Variants in MYO1H observed in about 807,000 individuals in gnomAD.
The protein encoded by MYO1H is unconventional myosin-Ih.
A neutral mutation model predicts 149.3 loss-of-function variants in MYO1H; 118 were observed. The ratio of observed to expected loss-of-function variants is 0.79; its 90% CI spans 0.68 to 0.92. The LOEUF (loss-of-function observed/expected upper bound fraction) is 0.92, where lower values mean the gene tolerates loss of function less well. Ranked by LOEUF, MYO1H falls within the 40% of genes least tolerant of loss-of-function variation. The probability of loss-of-function intolerance (pLI) is 0.00; values close to 1 mark genes in which losing one functional copy is unlikely to be tolerated. For synonymous variants in MYO1H, 447 were observed against 465.2 expected (o/e 0.96, Z 0.50); for missense variants, 1,212 against 1,280.7 (o/e 0.95, Z 0.82).
chr12:109,376,101 A>G (rs968646732), intron 1 of MYO1H, among the ~76,000 whole-genome samples: 2 of 151,914 alleles, frequency 1.3e-5, no homozygotes, highest in Non-Finnish European at 2.9e-5. Context: ...TTTGGTAACC[A>G]TCTTACTGAA....
intron 24 of MYO1H, among the ~76,000 whole-genome samples, chr12:109,440,326 G>A (rs192614790): frequency 2.0e-5 from 3 of 152,254 alleles, no homozygotes; most frequent in Middle Eastern, 3.4e-3. Context: ...GCGAGTCACC[G>A]TGCCCAGCCG....
rs776004174 is a variant in MYO1H, at chr12:109,443,583, C to G, written c.2758C>G (p.Gln920Glu). 3 of 1,613,640 alleles carry G rather than the reference C, an allele frequency of 1.9e-6. No homozygotes were observed. The African/African-American group carries it at 4.0e-5, about 22-fold the overall frequency. Residue 920 changes from glutamine to glutamate, a missense_variant, in exon 28 of 32, where the codon CAG becomes GAG. Physicochemically the swap from Gln to Glu is conservative, Grantham distance 29 (BLOSUM62 2). Coordinates refer to ENST00000310903, the Ensembl canonical transcript of MYO1H. ...ACGGCAGCGGCAACTCATTCTTACT[C>G]AGAAAGCAGCTTACGTGGTGGAACT...
intron 9 of MYO1H, among the ~76,000 whole-genome samples, 194 bp from the exon 10 acceptor site, chr12:109,407,600 C>CAA (rs776897477): frequency 9.8e-4 from 67 of 68,248 alleles, no homozygotes; most frequent in East Asian, 3.1e-3. Flanking sequence ...CACATTTCTA[C>CAA]AAAAAAAAAA....
At chr12:109,396,700 C>A in intron 4 of MYO1H, 118 bp downstream of exon 4, 2 of 796,922 alleles carry the variant, frequency 2.5e-6, no homozygotes, top group Non-Finnish European at 3.8e-6. Context: ...AGAGGTCACA[C>A]AGATAGTGTC....
intron 1 of MYO1H, among the ~76,000 whole-genome samples, chr12:109,378,050 ATC>A (rs546699489): frequency 5.3e-5 from 8 of 152,324 alleles, no homozygotes; most frequent in East Asian, 1.9e-4. Flanking sequence ...ACTCTTTTTC[ATC>A]TCTTTTTTAA....
intron 1 of MYO1H, among the ~76,000 whole-genome samples, chr12:109,361,833 AAAAAAAAG>A (rs1868760180): frequency 1.3e-5 from 2 of 149,088 alleles, no homozygotes; most frequent in Non-Finnish European, 3.0e-5. Flanking sequence ...AAAAAAAAAA[AAAAAAAAG>A]AAGAACCACT....
rs773697477 is a variant in MYO1H at position 109,388,671 on chromosome 12, T to C, written c.13-12T>C. ...ATAGATGAGCTGCTGAAGAATGTTCTATTTCCCGTAGAAAGAAGACGTGAG... is the reference window on the plus strand; with the variant it reads ...ATAGATGAGCTGCTGAAGAATGTTCCATTTCCCGTAGAAAGAAGACGTGAG... On this transcript the variant is annotated splice_polypyrimidine_tract_variant and intron_variant, in intron 1 of 31. Transcript: ENST00000310903. 6.5e-7 allele frequency: 1 copy of C among 1,543,290 alleles called. No homozygotes were observed. Among genetic ancestry groups the C allele is most frequent in the South Asian group, 1.2e-5 (1 of 81,176 alleles).
intron 30 of MYO1H, 194 bp from the exon 31 acceptor site, chr12:109,445,319 T>C (rs1872433713): frequency 1.8e-6 from 1 of 541,742 alleles, no homozygotes; most frequent in South Asian, 2.5e-5. Flanking sequence ...TCATGGTAAC[T>C]ACAGAAACAT....
intron 1 of MYO1H, among the ~76,000 whole-genome samples, chr12:109,378,210 A>C (rs1869125186): frequency 6.6e-6 from 1 of 152,228 alleles, no homozygotes; most frequent in African/African-American, 2.4e-5. Flanking sequence ...TAGATACCTA[A>C]GAGTGGAACT....
At chr12:109,343,286 A>G (rs2054631579), upstream of MYO1H, among the ~76,000 whole-genome samples, 1 of 152,206 alleles carries the variant, frequency 6.6e-6, no homozygotes, top group African/African-American at 2.4e-5. Context: ...GGATGTTAGC[A>G]TAACTAGAAA....
At chr12:109,374,824 T>C (rs1298483428) in intron 1 of MYO1H, among the ~76,000 whole-genome samples, 6 of 152,074 alleles carry the variant, frequency 3.9e-5, no homozygotes. Flanking sequence ...CGGTGCATAT[T>C]AATTTGCACA....
upstream of MYO1H, among the ~76,000 whole-genome samples, chr12:109,346,134 G>C (rs1452493683): frequency 6.6e-6 from 1 of 152,158 alleles, no homozygotes; most frequent in Non-Finnish European, 1.5e-5. Context: ...ATTTTCATCT[G>C]TATGAAGATG....
chr12:109,349,473 A>G (rs987511284), intron 1 of MYO1H, among the ~76,000 whole-genome samples: 8 of 148,582 alleles, frequency 5.4e-5, no homozygotes, highest in African/African-American at 2.0e-4. Flanking sequence ...GACCAGCATG[A>G]GCAACATAGT....
intron 26 of MYO1H, 79 bp from the exon 27 acceptor site, chr12:109,442,138 A>T: frequency 8.0e-7 from 1 of 1,242,542 alleles, no homozygotes; most frequent in Non-Finnish European, 1.2e-6. Context: ...GATGCATAAC[A>T]AAACTAGCAG....
chr12:109,420,023 AC>A (rs755300334), intron 15 of MYO1H, among the ~76,000 whole-genome samples: 5 of 152,166 alleles, frequency 3.3e-5, no homozygotes, highest in Non-Finnish European at 7.3e-5. Flanking sequence ...GCTGTTGGGT[AC>A]CACCAGCCAT....
intron 19 of MYO1H, among the ~76,000 whole-genome samples, chr12:109,432,438 T>C (rs2135590223): frequency 6.6e-6 from 1 of 152,280 alleles, no homozygotes; most frequent in African/African-American, 2.4e-5. Flanking sequence ...CATAGAACTT[T>C]TTCTTCTGGT....
exon 28 of MYO1H, chr12:109,443,538 G>A (rs767696982): frequency 6.2e-7 from 1 of 1,613,756 alleles, no homozygotes; most frequent in Admixed American, 1.7e-5. Context: ...CATTAAATAT[G>A]ACAGAAAAGG....
At chr12:109,359,812 G>A (rs567329228) in intron 1 of MYO1H, among the ~76,000 whole-genome samples, 8 of 152,322 alleles carry the variant, frequency 5.3e-5, no homozygotes, top group Admixed American at 3.3e-4. Flanking sequence ...CATCCCAAAT[G>A]GGAATCAAAG....
intron 1 of MYO1H, among the ~76,000 whole-genome samples, chr12:109,355,964 C>T (rs553887853): frequency 3.3e-5 from 5 of 151,994 alleles, no homozygotes; most frequent in African/African-American, 9.7e-5. Context: ...GTGATCTGCC[C>T]GTCCTGGCCT....
Sources: gnomAD v4.1 joint callset for allele counts (sites outside exome capture counted in the v4.1 genomes callset) on GRCh38, gnomAD v4.1.1 for gene constraint, MANE v1.5 for transcripts, NCBI Gene and HGNC (gene_info 2026-07-23, HGNC 2026-07-21) for gene names.